The following NOX4 variants were observed in gnomAD, a reference collection of about 807,000 sequenced individuals.
NOX4 encodes NADPH oxidase 4.
A neutral mutation model predicts 87.6 loss-of-function variants in NOX4; 69 were observed. The observed-to-expected ratio is 0.79, with a 90% confidence interval of 0.65 to 0.96. NOX4 has a LOEUF of 0.96. NOX4 is among the 40% of genes least tolerant of loss of function. The pLI, the probability that NOX4 is intolerant of heterozygous loss-of-function variation, is 0.00. For missense variants in NOX4, 680 were observed against 681.5 expected (o/e 1.00, Z 0.02); for synonymous variants, 275 against 238.2 (o/e 1.15, Z -1.42).
At chr11:89,413,815 TATGA>T (rs1214692279) in intron 8 of NOX4, among the ~76,000 whole-genome samples, 1 of 152,124 alleles carries the variant, frequency 6.6e-6, no homozygotes, top group Non-Finnish European at 1.5e-5. Flanking sequence ...TATTTGAGAT[TATGA>T]ATATCTCATT....
chr11:89,438,928 AATAATATAATATATATTATTTTAT>A (rs2135346500), intron 6 of NOX4, among the ~76,000 whole-genome samples: 1 of 36,658 alleles, frequency 2.7e-5, no homozygotes, highest in South Asian at 6.1e-4. Flanking sequence ...AAATATATAT[AATAATATAATATATATTATTTTAT>A]ATATAATAAT....
At chr11:89,429,789 A>C (rs536668583) in intron 7 of NOX4, among the ~76,000 whole-genome samples, 1 of 152,150 alleles carries the variant, frequency 6.6e-6, no homozygotes, top group African/African-American at 2.4e-5. Context: ...GGAGGAGCTC[A>C]TACCATTCCT....
chr11:89,417,443 C>T (rs993257434), intron 8 of NOX4, among the ~76,000 whole-genome samples: 6 of 151,914 alleles, frequency 3.9e-5, no homozygotes, highest in African/African-American at 1.4e-4. Flanking sequence ...AGCAACCTCC[C>T]AAAAAGGTAT....
chr11:89,416,144 C>T (rs1308614974), intron 8 of NOX4, among the ~76,000 whole-genome samples: 1 of 152,154 alleles, frequency 6.6e-6, no homozygotes, highest in African/African-American at 2.4e-5. Context: ...GCTGAATTAT[C>T]AATAGCATCC....
chr11:89,517,215 C>A, the NOX4 span, among the ~76,000 whole-genome samples: 2 of 151,882 alleles, frequency 1.3e-5, no homozygotes, highest in South Asian at 4.1e-4. Flanking sequence ...CTAACAAGGA[C>A]CTTTTTCTAA....
At chr11:89,447,761 C>T (rs1413969608) in intron 4 of NOX4, among the ~76,000 whole-genome samples, 1 of 152,108 alleles carries the variant, frequency 6.6e-6, no homozygotes, top group Non-Finnish European at 1.5e-5. Flanking sequence ...TCCTCCATTT[C>T]TGACCTTTCA....
intron 11 of NOX4, among the ~76,000 whole-genome samples, chr11:89,393,168 GA>G (rs1941241228): frequency 6.6e-6 from 1 of 152,056 alleles, no homozygotes; most frequent in Non-Finnish European, 1.5e-5. Context: ...CACAGTGGGG[GA>G]TACTATTGGC....
intron 2 of NOX4, among the ~76,000 whole-genome samples, chr11:89,463,204 A>G (rs572931978): frequency 2.3e-3 from 351 of 152,042 alleles, no homozygotes; most frequent in African/African-American, 8.1e-3. Context: ...CCTATTAATA[A>G]TAATAGGAAC....
intron 2 of NOX4, among the ~76,000 whole-genome samples, chr11:89,484,185 C>T (rs1258741387): frequency 1.3e-5 from 2 of 152,056 alleles, no homozygotes; most frequent in African/African-American, 4.8e-5. Context: ...TTCATTCTAA[C>T]TTCCAATTCT....
intron 7 of NOX4, among the ~76,000 whole-genome samples, chr11:89,428,210 C>G (rs1943555525): frequency 6.6e-6 from 1 of 152,128 alleles, no homozygotes; most frequent in South Asian, 2.1e-4. Flanking sequence ...AAAAGAGCTC[C>G]TGAAGGAAGC....
At chr11:89,346,916 C>A (rs1243057254) in intron 13 of NOX4, among the ~76,000 whole-genome samples, 1 of 152,150 alleles carries the variant, frequency 6.6e-6, no homozygotes, top group Non-Finnish European at 1.5e-5. Context: ...TGCTGATAGA[C>A]CAGCGTCCTT....
At chr11:89,561,304 G>A in the NOX4 span, among the ~76,000 whole-genome samples, 2 of 151,444 alleles carry the variant, frequency 1.3e-5, no homozygotes, top group Non-Finnish European at 2.9e-5. Flanking sequence ...AGGGATATAA[G>A]GCAGATGAAG....
chr11:89,479,949 C>A (rs1411307230), intron 2 of NOX4, among the ~76,000 whole-genome samples: 1 of 152,026 alleles, frequency 6.6e-6, no homozygotes, highest in East Asian at 1.9e-4. Context: ...GTTCCAGGAT[C>A]CCCACATATA....
upstream of NOX4, among the ~76,000 whole-genome samples, chr11:89,499,939 A>G (rs187475142): frequency 6.5e-4 from 99 of 152,278 alleles, no homozygotes; most frequent in African/African-American, 1.9e-3. Context: ...AAAAACTATT[A>G]CAGGAATAAG....
chr11:89,365,406 C>T lies in NOX4; in HGVS notation c.1135+8026G>A, dbSNP rs1044666505. On this transcript the variant is annotated intron_variant, in intron 12 of 17. Coordinates refer to ENST00000263317, the MANE Select transcript of NOX4 (RefSeq NM_016931.5). ...GGATTTCTTATAAAATATAAATTGGCGTTTATTGCCACAGAGGCTAAACTA... is the reference window on the plus strand; with the variant it reads ...GGATTTCTTATAAAATATAAATTGGTGTTTATTGCCACAGAGGCTAAACTA... Among the ~76,000 whole-genome samples the T allele has an allele frequency of 4.6e-5, 7 of 151,016 alleles. No individual in the cohort carries two copies. The South Asian group carries it at 1.0e-3, about 22-fold the overall frequency.
chr11:89,349,840 G>A (rs1383631896), intron 13 of NOX4, among the ~76,000 whole-genome samples: 3 of 152,006 alleles, frequency 2.0e-5, no homozygotes, highest in Non-Finnish European at 2.9e-5. Context: ...AGTAATTTGT[G>A]GATAAAATTA....
intron 3 of NOX4, 93 bp from the exon 4 acceptor site, chr11:89,449,617 A>T: frequency 1.1e-6 from 1 of 945,626 alleles, no homozygotes. Context: ...AAAATTTTTA[A>T]AATATGGCGG....
At position 89,432,749 on chromosome 11, in the gene NOX4, A is replaced by G. The variant is rs367556534; in HGVS notation, c.548+35T>C. 4 of 1,437,222 alleles carry G rather than the reference A, an allele frequency of 2.8e-6. No individual in the cohort carries two copies. The South Asian group carries it at 4.6e-5, about 17-fold the overall frequency. The allele number at this position is 1,437,222 out of a possible 1,614,324, so 89.0% of individuals were successfully genotyped here. A position where few individuals can be genotyped will look rare whatever the true frequency, so the allele number is the denominator to read the frequency against. ...CAAGACTTTTTCTAAATAACCTGAC[A>G]GATACACATCAAAATAATTGATTCT... On this transcript the variant is annotated intron_variant, in intron 7 of 17. Coordinates refer to ENST00000263317, the MANE Select transcript of NOX4 (RefSeq NM_016931.5).
chr11:89,572,716 T>C, the NOX4 span, among the ~76,000 whole-genome samples: 3 of 152,068 alleles, frequency 2.0e-5, no homozygotes, highest in South Asian at 2.1e-4. Flanking sequence ...CCCGTCTTTT[T>C]CCCCATCTTC....
Sources: gnomAD v4.1 joint callset for allele counts (sites outside exome capture counted in the v4.1 genomes callset) on GRCh38, gnomAD v4.1.1 for gene constraint, MANE v1.5 for transcripts, NCBI Gene and HGNC (gene_info 2026-07-23, HGNC 2026-07-21) for gene names.